VAV1: variants seen among roughly 807,000 people sequenced by gnomAD.
VAV1 encodes vav guanine nucleotide exchange factor 1.
In VAV1, 33 loss-of-function variants were observed where a neutral mutation model predicts 128.1. The observed-to-expected ratio is 0.26, with a 90% CI of 0.20 to 0.34. The LOEUF (loss-of-function observed/expected upper bound fraction) is 0.34, where lower values mean the gene tolerates loss of function less well. VAV1 is among the 10% of genes least tolerant of loss of function. The pLI is 1.00. For missense variants in VAV1, 715 were observed against 1,093.7 expected (o/e 0.65, Z 4.88); for synonymous variants, 394 against 409.8 (o/e 0.96, Z 0.47).
intron 1 of VAV1, among the ~76,000 whole-genome samples, chr19:6,784,906 C>T (rs1331525350): frequency 6.6e-6 from 1 of 152,020 alleles, no homozygotes; most frequent in Non-Finnish European, 1.5e-5. Context: ...ACTCACAGCC[C>T]TTCCCTGGTT....
intron 14 of VAV1, among the ~76,000 whole-genome samples, chr19:6,831,853 AGT>A (rs112497070): frequency 0.24 from 35,009 of 146,084 alleles, 4,142 homozygotes; most frequent in African/African-American, 0.3. Context: ...TGCAAAGGGG[AGT>A]GTGTGTGTGT....
intron 1 of VAV1, among the ~76,000 whole-genome samples, chr19:6,794,958 G>T (rs1246271034): frequency 6.6e-6 from 1 of 152,170 alleles, no homozygotes; most frequent in Non-Finnish European, 1.5e-5. Flanking sequence ...GCTATGCTCA[G>T]TTGGGGCTAT....
chr19:6,786,945 T>C (rs1016472090), intron 1 of VAV1, among the ~76,000 whole-genome samples: 2 of 152,098 alleles, frequency 1.3e-5, no homozygotes, highest in Admixed American at 6.6e-5. Context: ...TCCCTGAAAG[T>C]AGAGTCTTAC....
intron 1 of VAV1, among the ~76,000 whole-genome samples, chr19:6,813,096 A>T (rs979405736): frequency 6.6e-6 from 1 of 152,244 alleles, no homozygotes; most frequent in Non-Finnish European, 1.5e-5. Flanking sequence ...ACCATTTATT[A>T]TGCTTATGGA....
At chr19:6,805,392 T>C (rs892771537) in intron 1 of VAV1, among the ~76,000 whole-genome samples, 2 of 151,810 alleles carry the variant, frequency 1.3e-5, no homozygotes, top group African/African-American at 4.8e-5. Context: ...AATACTGCAC[T>C]CTAGCCTGGG....
intron 1 of VAV1, among the ~76,000 whole-genome samples, chr19:6,781,654 C>T (rs1970769121): frequency 1.3e-5 from 2 of 150,312 alleles, no homozygotes; most frequent in South Asian, 4.2e-4. Context: ...GTTGTACAGG[C>T]TGCAGTGTAG....
chr19:6,828,963 G>A lies in VAV1; in HGVS notation c.1265+63G>A, dbSNP rs1568307576. On this transcript the variant is annotated intron_variant, in intron 13 of 26. Coordinates refer to ENST00000602142, the MANE Select transcript of VAV1 (RefSeq NM_005428.4). The surrounding 1 kb of genome is among the most constrained non-coding windows in gnomAD (Gnocchi z 4.5). The stretch of plus-strand genomic sequence containing the variant: ...GCAAAGGGGTGGGACCAGGCTCCTA[G>A]ATGGGCAGGTGGGTGGAGTCAACAC... The A allele has an allele frequency of 6.3e-7, 1 of 1,589,948 alleles. No homozygotes were observed. Among genetic ancestry groups the A allele is most frequent in the African/African-American group, 1.3e-5 (1 of 74,200 alleles).
At chr19:6,846,576 T>C (rs183848606) in intron 22 of VAV1, among the ~76,000 whole-genome samples, 1 of 149,784 alleles carries the variant, frequency 6.7e-6, no homozygotes. Flanking sequence ...AATTATATAT[T>C]ATATATAATT....
chr19:6,813,156 A>G (rs3105703), intron 1 of VAV1, among the ~76,000 whole-genome samples: 148,970 of 152,320 alleles, frequency 0.98, 72,855 homozygotes, highest in East Asian at 1. Flanking sequence ...GTTCCCCTTT[A>G]GGGTTTCTAA....
At position 6,780,897 on chromosome 19, in the gene VAV1, T is replaced by C. The variant is rs529853587; in HGVS notation, c.204+7886T>C. ...GCGATTTCTTATCATTTATACCATA[T>C]TTTATACAAAGATTTCTTATCTTTC... On this transcript the variant is annotated intron_variant, in intron 1 of 26. Coordinates refer to ENST00000602142, the MANE Select transcript of VAV1 (RefSeq NM_005428.4). 2.9e-4 allele frequency among the ~76,000 whole-genome samples: 44 copies of C among 149,584 alleles called. 2 individuals are homozygous for C. Among genetic ancestry groups the C allele is most frequent in the Admixed American group, 2.7e-3 (41 of 15,020 alleles).
At chr19:6,774,446 T>C (rs2144680650) in intron 1 of VAV1, among the ~76,000 whole-genome samples, 1 of 141,986 alleles carries the variant, frequency 7.0e-6, no homozygotes, top group East Asian at 2.0e-4. Flanking sequence ...TTTTTTTTTT[T>C]TTTTTTAAAG....
At chr19:6,839,218 T>C (rs1599673058) in intron 21 of VAV1, among the ~76,000 whole-genome samples, 1 of 149,528 alleles carries the variant, frequency 6.7e-6, no homozygotes, top group African/African-American at 2.5e-5. Context: ...TTTTTTTGTG[T>C]GTGATTTTTT....
At chr19:6,821,990 T>A in intron 4 of VAV1, 131 bp downstream of exon 4, 1 of 1,312,544 alleles carries the variant, frequency 7.6e-7, no homozygotes, top group Non-Finnish European at 1.1e-6. Context: ...CAACCTTGCC[T>A]GAGAGTCTGG....
intron 1 of VAV1, among the ~76,000 whole-genome samples, chr19:6,807,217 T>C (rs1971414704): frequency 6.6e-6 from 1 of 152,090 alleles, no homozygotes; most frequent in African/African-American, 2.4e-5. Context: ...ATTATTACAT[T>C]GTAACATATA....
chr19:6,843,341 T>TC, intron 22 of VAV1, among the ~76,000 whole-genome samples, 175 bp downstream of exon 22: 1 of 151,940 alleles, frequency 6.6e-6, no homozygotes, highest in South Asian at 2.1e-4. Flanking sequence ...CAAAGGAGGG[T>TC]CCCTCACCTT....
At chr19:6,814,048 A>T (rs142662847) in intron 1 of VAV1, among the ~76,000 whole-genome samples, 308 of 152,310 alleles carry the variant, frequency 2.0e-3, no homozygotes, top group African/African-American at 6.7e-3. Flanking sequence ...TGACAGAGTG[A>T]TACCCTGTCT....
chr19:6,817,601 A>G (rs955884871), intron 1 of VAV1, among the ~76,000 whole-genome samples: 5 of 152,172 alleles, frequency 3.3e-5, no homozygotes, highest in African/African-American at 1.2e-4. Flanking sequence ...TGAGATAAAC[A>G]ATAAACACAA....
chr19:6,821,536 C>T (rs900395173), intron 2 of VAV1, 86 bp from the exon 3 acceptor site: 19 of 1,528,384 alleles, frequency 1.2e-5, no homozygotes, highest in Admixed American at 1.7e-5. Flanking sequence ...GGATCTAGCG[C>T]CTCAGACAGA....
chr19:6,857,292 A>G lies in VAV1; in HGVS notation c.*185A>G, dbSNP rs1409948671. 1.4e-6 allele frequency: 1 copy of G among 707,864 alleles called. No homozygotes were observed. The highest frequency in any genetic ancestry group is 1.9e-5 in the South Asian group (1 of 52,172). 43.8% of individuals were successfully genotyped at this position (707,864 alleles called of 1,614,324 possible). On this transcript the variant is annotated 3_prime_UTR_variant, in exon 27 of 27. Coordinates refer to ENST00000602142, the MANE Select transcript of VAV1 (RefSeq NM_005428.4). ...GACATGGTTAATTTATAACACCCCG[A>G]TTTCCTCTTGGGTCCCCTCAAGCAG...
Sources: gnomAD v4.1 joint callset for allele counts (sites outside exome capture counted in the v4.1 genomes callset) on GRCh38, gnomAD v4.1.1 for gene constraint, Gnocchi (gnomAD v3.1) non-coding constraint, MANE v1.5 for transcripts, NCBI Gene and HGNC (gene_info 2026-07-23, HGNC 2026-07-21) for gene names.